Variants in EDA observed in about 807,000 individuals in gnomAD.
EDA encodes the protein ectodysplasin-A.
EDA carries 2 observed loss-of-function variants against 23.6 expected under a neutral mutation model. The observed-to-expected ratio is 0.08, with a 90% CI of 0.03 to 0.27. EDA has a LOEUF of 0.27. Among genes scored for constraint, EDA ranks in the 10% least tolerant of loss-of-function variants. EDA has a pLI of 1.00. For missense variants in EDA, 229 were observed against 324.2 expected (o/e 0.71, Z 2.26); for synonymous variants, 131 against 132.0 (o/e 0.99, Z 0.05).
intron 1 of EDA, among the ~76,000 whole-genome samples, chrX:69,636,379 T>C (rs1481763511): frequency 9.0e-6 from 1 of 110,695 alleles, no homozygotes; most frequent in East Asian, 2.8e-4. Context: ...GTACAGCCAG[T>C]AGAACTGTGA....
chrX:70,007,651 A>G (rs1175704423), intron 2 of EDA, among the ~76,000 whole-genome samples: 1 of 111,346 alleles, frequency 9.0e-6, no homozygotes, highest in Non-Finnish European at 1.9e-5. Context: ...GGACTAATGC[A>G]GATCTTAATT....
intron 1 of EDA, among the ~76,000 whole-genome samples, chrX:69,808,948 A>G (rs1051340617): frequency 1.8e-5 from 2 of 111,546 alleles, no homozygotes; most frequent in African/African-American, 6.5e-5. Flanking sequence ...TGGGCTCATC[A>G]AGAAGGCAGC....
chrX:69,964,743 A>G (rs1436046600), intron 2 of EDA, among the ~76,000 whole-genome samples: 1 of 111,246 alleles, frequency 9.0e-6, no homozygotes, highest in Non-Finnish European at 1.9e-5. Flanking sequence ...GCTCCTCAAA[A>G]TATCACAGGC....
rs1932492558 is a variant in EDA at position 69,629,389 on chromosome X, G to A, written c.396+12685G>A. ...TCCTCATTCAGCACTGTGCTGTGTT[G>A]TAGGTGTTCTTGTTTCCTTAACTTG... On this transcript the variant is annotated intron_variant, in intron 1 of 7. Transcript: ENST00000374552. 2.7e-5 allele frequency among the ~76,000 whole-genome samples: 3 copies of A among 112,025 alleles called. No individual in the cohort carries two copies. The Admixed American group carries it at 2.8e-4, about 11-fold the overall frequency.
chrX:69,819,234 CAT>C (rs2016152730), intron 1 of EDA, among the ~76,000 whole-genome samples: 1 of 111,535 alleles, frequency 9.0e-6, no homozygotes, highest in African/African-American at 3.3e-5. Context: ...TAATAAGAGC[CAT>C]ATATGACAAA....
intron 1 of EDA, among the ~76,000 whole-genome samples, chrX:69,690,933 C>T (rs953777255): frequency 9.0e-6 from 1 of 111,668 alleles, no homozygotes; most frequent in African/African-American, 3.2e-5. Flanking sequence ...TGATCATATT[C>T]CCTTATAGTC....
At chrX:69,752,134 A>G (rs754021731) in intron 1 of EDA, among the ~76,000 whole-genome samples, 3 of 111,164 alleles carry the variant, frequency 2.7e-5, no homozygotes, top group African/African-American at 6.5e-5. Context: ...GTGGTGAGAG[A>G]GGACATCCCT....
chrX:69,821,623 C>T (rs1003645406), intron 1 of EDA, among the ~76,000 whole-genome samples: 20 of 111,173 alleles, frequency 1.8e-4, no homozygotes, highest in Non-Finnish European at 1.9e-5. Context: ...AACAGCAGTT[C>T]ACATTTCAGT....
chrX:69,973,810 A>C (rs188789293), intron 2 of EDA, among the ~76,000 whole-genome samples: 181 of 111,769 alleles, frequency 1.6e-3, no homozygotes, highest in Non-Finnish European at 2.6e-3. Context: ...ATATGAGTGA[A>C]TCTTACCAAT....
At chrX:69,713,902 C>T (rs1196445481) in intron 1 of EDA, among the ~76,000 whole-genome samples, 2 of 94,564 alleles carry the variant, frequency 2.1e-5, no homozygotes, top group African/African-American at 7.9e-5. Context: ...GTTGCTGGGT[C>T]GTATTATAGT....
At chrX:69,947,137 G>A (rs904705633) in intron 1 of EDA, among the ~76,000 whole-genome samples, 1 of 112,166 alleles carries the variant, frequency 8.9e-6, no homozygotes, top group Non-Finnish European at 1.9e-5. Flanking sequence ...TTAGAAGCAT[G>A]AGGAATTACA....
At chrX:69,987,914 C>G (rs747882477) in intron 2 of EDA, among the ~76,000 whole-genome samples, 2 of 111,358 alleles carry the variant, frequency 1.8e-5, no homozygotes, top group Non-Finnish European at 3.8e-5. Context: ...TAGTGTCAAC[C>G]CAGTCCAGTG....
At chrX:69,953,403 C>T (rs982177914) in intron 1 of EDA, among the ~76,000 whole-genome samples, 11 of 111,957 alleles carry the variant, frequency 9.8e-5, no homozygotes, top group African/African-American at 3.2e-4. Flanking sequence ...CAGTACCAAC[C>T]GTTGGTGAAG....
chrX:69,891,690 C>T (rs913237608), intron 1 of EDA, among the ~76,000 whole-genome samples: 44 of 110,582 alleles, frequency 4.0e-4, no homozygotes, highest in African/African-American at 1.4e-3. Context: ...CGTGTTCTCA[C>T]TTATCAGTGG....
chrX:69,840,262 T>C (rs1023457957), intron 1 of EDA, among the ~76,000 whole-genome samples: 1 of 111,638 alleles, frequency 9.0e-6, no homozygotes, highest in African/African-American at 3.3e-5. Flanking sequence ...GCTCACACAC[T>C]ACCTCCTAAA....
At chrX:69,681,843 G>A (rs774339374) in intron 1 of EDA, among the ~76,000 whole-genome samples, 11 of 111,530 alleles carry the variant, frequency 9.9e-5, no homozygotes, top group Non-Finnish European at 1.3e-4. Context: ...TTCTCCGTCC[G>A]GCTTTGTTCC....
At chrX:69,893,071 G>T (rs1314819461) in intron 1 of EDA, among the ~76,000 whole-genome samples, 3 of 111,244 alleles carry the variant, frequency 2.7e-5, no homozygotes, top group Non-Finnish European at 5.7e-5. Flanking sequence ...AAGGTTTTGG[G>T]AGGTTTGGTT....
intron 1 of EDA, among the ~76,000 whole-genome samples, chrX:69,738,956 C>T (rs975540899): frequency 1.8e-5 from 2 of 110,990 alleles, no homozygotes; most frequent in Non-Finnish European, 3.8e-5. Context: ...GAAGAATATA[C>T]CTTCTACTCT....
In EDA at chrX:70,010,907, T is replaced by C. The variant is rs185554091; in HGVS notation, c.503-12311T>C. On this transcript the variant is annotated intron_variant, in intron 2 of 7. Transcript: ENST00000374552. ...GTGTGGAGGAAACTGCCTCCATGAC[T>C]CAGTTATCTCTACCGGGTCCCTCCC... Among the ~76,000 whole-genome samples the C allele has an allele frequency of 5.4e-5, 6 of 111,857 alleles. No individual in the cohort carries two copies. The East Asian group carries it at 1.4e-3, about 26-fold the overall frequency.
Sources: gnomAD v4.1 joint callset for allele counts (sites outside exome capture counted in the v4.1 genomes callset) on GRCh38, gnomAD v4.1.1 for gene constraint, MANE v1.5 for transcripts, NCBI Gene and HGNC (gene_info 2026-07-23, HGNC 2026-07-21) for gene names.